The following FMNL3 variants were observed in gnomAD, a reference collection of about 807,000 sequenced individuals.
The protein encoded by FMNL3 is formin-like protein 3.
Under a neutral mutation model 119.6 loss-of-function variants are expected in FMNL3, and 57 were observed. That is an observed-to-expected ratio of 0.48 (90% CI 0.39 to 0.59). FMNL3 has a LOEUF of 0.59. Ranked by LOEUF, FMNL3 falls within the 20% of genes least tolerant of loss-of-function variation. The pLI is 0.00. For missense variants in FMNL3, 1,053 were observed against 1,323.5 expected (o/e 0.80, Z 3.17); for synonymous variants, 491 against 507.3 (o/e 0.97, Z 0.43).
intron 1 of FMNL3, among the ~76,000 whole-genome samples, chr12:49,670,702 T>C (rs183010799): frequency 1.3e-3 from 199 of 152,314 alleles, no homozygotes; most frequent in South Asian, 0.011. Flanking sequence ...GGCTGAGTCC[T>C]CCTCACAGTC....
chr12:49,700,294 A>C (rs954221986), intron 1 of FMNL3, among the ~76,000 whole-genome samples: 2 of 150,494 alleles, frequency 1.3e-5, no homozygotes, highest in Admixed American at 1.3e-4. Flanking sequence ...CGGGAAGCTA[A>C]GGCAGAAGAA....
rs377569512 is a variant in FMNL3, at chr12:49,707,112, G to A, written c.69C>T (p.Pro23=). The change falls in exon 1 of 26, where the codon CCC becomes CCT. Residue 23 remains proline (P), a synonymous_variant. Transcript: ENST00000335154. Reference sequence around the variant, plus strand: ...AGGGCTCAGGCATCGGCATCTTGCCGGGCGGCAGCAACAACGGGACAGAGG... The same window carrying A: ...AGGGCTCAGGCATCGGCATCTTGCCAGGCGGCAGCAACAACGGGACAGAGG... ...EPPSVPLLLP[P]GKMPMPEPCE... 1.1e-4 allele frequency: 181 copies of A among 1,604,238 alleles called. No homozygotes were observed. The highest frequency in any genetic ancestry group is 1.5e-4 in the Non-Finnish European group (175 of 1,176,396).
rs774453528 is a variant in FMNL3 at position 49,652,145 on chromosome 12, G to C, written c.1391C>G (p.Ala464Gly). The change falls in exon 14 of 26, where the codon GCC (alanine) becomes GGC (glycine). Residue 464 changes from alanine to glycine, a missense_variant. This residue lies in a region of FMNL3 where 445 missense variants were observed against 628.4 expected (regional missense o/e 0.71). Transcript: ENST00000335154. The part of the protein sequence containing the change: ...LRRLIKEKEE[A>G]FQRRCHLEPN... Reference sequence around the variant, plus strand: ...CTCCAAATGACATCGACGCTGAAAGGCCTCCTCCTTCTCTTTAATGAGCCT... The same window carrying C: ...CTCCAAATGACATCGACGCTGAAAGCCCTCCTCCTTCTCTTTAATGAGCCT... 1.2e-5 allele frequency: 19 copies of C among 1,613,182 alleles called. No homozygotes were observed. The highest frequency in any genetic ancestry group is 7.7e-5 in the South Asian group (7 of 90,752).
At chr12:49,658,676 C>T in intron 5 of FMNL3, 82 bp from the exon 6 acceptor site, 1 of 1,449,582 alleles carries the variant, frequency 6.9e-7, no homozygotes, top group Non-Finnish European at 9.2e-7. Flanking sequence ...CGTGAGCCCA[C>T]CCCCACCCTT....
chr12:49,661,674 G>C, intron 5 of FMNL3: 1 of 371,642 alleles, frequency 2.7e-6, no homozygotes, highest in Non-Finnish European at 5.0e-6. Flanking sequence ...ATTGCTCACA[G>C]CTTGGCATTT....
At chr12:49,685,317 C>A (rs1169854989) in intron 1 of FMNL3, among the ~76,000 whole-genome samples, 1 of 152,112 alleles carries the variant, frequency 6.6e-6, no homozygotes, top group Non-Finnish European at 1.5e-5. Context: ...ATATCCCTAG[C>A]TGGGCATGGT....
intron 1 of FMNL3, among the ~76,000 whole-genome samples, chr12:49,697,900 T>C (rs961815935): frequency 7.9e-5 from 12 of 152,182 alleles, no homozygotes; most frequent in Admixed American, 7.9e-4. Context: ...ACCTAAGTCT[T>C]CTGATTCCAA....
chr12:49,705,429 C>T (rs944356520), intron 1 of FMNL3, among the ~76,000 whole-genome samples: 4 of 152,128 alleles, frequency 2.6e-5, no homozygotes, highest in Non-Finnish European at 5.9e-5. Flanking sequence ...TGGTTCTGAG[C>T]TCTCACAAAA....
rs770746193 is a variant in FMNL3, at chr12:49,643,273, C to T, written c.*2542G>A. The T allele has an allele frequency of 1.2e-6, 2 of 1,614,082 alleles. No individual in the cohort carries two copies. Among genetic ancestry groups the T allele is most frequent in the East Asian group, 2.2e-5 (1 of 44,880 alleles). ...TGCCCCCACCATCTCTCCGGCCCCC[C>T]AAGCGGAGGAGGCGGAACCCCTCAG... On this transcript the variant is annotated 3_prime_UTR_variant, in exon 26 of 26. Coordinates refer to ENST00000335154, the MANE Select transcript of FMNL3 (RefSeq NM_175736.5).
chr12:49,675,370 TG>T (rs1475781832), intron 1 of FMNL3, among the ~76,000 whole-genome samples: 2 of 152,314 alleles, frequency 1.3e-5, no homozygotes, highest in East Asian at 3.9e-4. Flanking sequence ...AGTATTCTGC[TG>T]GGGGCAGCTT....
intron 1 of FMNL3, among the ~76,000 whole-genome samples, chr12:49,686,225 A>C (rs2138974699): frequency 6.6e-6 from 1 of 151,580 alleles, no homozygotes; most frequent in South Asian, 2.1e-4. Context: ...CTTCTGCCTC[A>C]GCCTCCCAAA....
intron 1 of FMNL3, among the ~76,000 whole-genome samples, chr12:49,678,219 G>A (rs1296126241): frequency 6.6e-6 from 1 of 151,316 alleles, no homozygotes. Flanking sequence ...GTGCAGTGGT[G>A]TGATCTCGGC....
Position 49,642,544 on chromosome 12 carries a change from G to T in FMNL3, c.*3271C>A, listed in dbSNP as rs976620630. 1 of 1,609,528 alleles carries T rather than the reference G, an allele frequency of 6.2e-7. No individual in the cohort carries two copies. The highest frequency in any genetic ancestry group is 8.5e-7 in the Non-Finnish European group (1 of 1,176,036). On this transcript the variant is annotated 3_prime_UTR_variant, in exon 26 of 26. Transcript: ENST00000335154. This position sits in a 1 kb window ranked among gnomAD's most constrained non-coding sequence, Gnocchi z 5.8. ...GCGGTGTCCAGGCCAGGCTGAGTGG[G>T]GCCTAGTCTGATCAGCAGTGCTCTC...
At chr12:49,696,706 C>A (rs1944760349) in intron 1 of FMNL3, among the ~76,000 whole-genome samples, 1 of 152,176 alleles carries the variant, frequency 6.6e-6, no homozygotes, top group Non-Finnish European at 1.5e-5. Context: ...AGAGGTAGAC[C>A]CCATCACAAA....
chr12:49,651,494 C>A, intron 14 of FMNL3, 44 bp from the exon 15 acceptor site: 2 of 1,404,822 alleles, frequency 1.4e-6, no homozygotes, highest in Non-Finnish European at 9.4e-7. Context: ...CGTCAAGAGA[C>A]TCTTCATAGG....
In FMNL3 at chr12:49,662,029, T is replaced by C. The variant is rs1943748618; in HGVS notation, c.389A>G (p.Asn130Ser). The C allele has an allele frequency of 2.5e-6, 4 of 1,613,994 alleles. No homozygotes were observed. Among genetic ancestry groups the C allele is most frequent in the African/African-American group, 1.3e-5 (1 of 74,880 alleles). The change falls in exon 5 of 26, where the codon AAT (asparagine) becomes AGT (serine). Residue 130 changes from asparagine (N) to serine (S), a missense_variant. Transcript: ENST00000335154. The stretch of plus-strand genomic sequence containing the variant: ...TACATCCAGGCCTTTGTTTTCATCA[T>C]TCAGAAATTCCCGCACCCACCTGCA... ...NHIGWVREFL[N>S]DENKGLDVLV... is the part of the protein sequence containing the mutation.
intron 16 of FMNL3, 135 bp from the exon 17 acceptor site, chr12:49,651,013 C>G: frequency 6.9e-7 from 1 of 1,459,696 alleles, no homozygotes. Context: ...AGTGTTGACA[C>G]AACTAGAAAT....
At position 49,642,753 on chromosome 12, in the gene FMNL3, TCCCTCTTA is replaced by T. The variant is rs2138656516; in HGVS notation, c.*3054_*3061del. On this transcript the variant is annotated 3_prime_UTR_variant, in exon 26 of 26. Coordinates refer to ENST00000335154, the MANE Select transcript of FMNL3 (RefSeq NM_175736.5). The surrounding 1 kb of genome is among the most constrained non-coding windows in gnomAD (Gnocchi z 5.8). ...CAGTTCAACAGAGACCTCAGTGGCC[TCCCTCTTA>T]CCCTTAGGGCACTCCTGGCCAGCTA... The T allele has an allele frequency of 1.3e-6, 2 of 1,508,020 alleles. No homozygotes were observed. Among genetic ancestry groups the T allele is most frequent in the South Asian group, 2.4e-5 (2 of 84,102 alleles). The allele number at this position is 1,508,020 out of a possible 1,614,324, so 93.4% of individuals were successfully genotyped here.
chr12:49,654,829 G>T, intron 10 of FMNL3, 81 bp downstream of exon 10: 1 of 1,286,672 alleles, frequency 7.8e-7, no homozygotes, highest in Non-Finnish European at 1.1e-6. Flanking sequence ...ATCAAGATAC[G>T]CTGTTGGCCT....
Sources: gnomAD v4.1 joint callset for allele counts (sites outside exome capture counted in the v4.1 genomes callset) on GRCh38, gnomAD v4.1.1 for gene constraint, gnomAD v4.1.1 regional missense constraint, Gnocchi (gnomAD v3.1) non-coding constraint, MANE v1.5 for transcripts, NCBI Gene and HGNC (gene_info 2026-07-23, HGNC 2026-07-21) for gene names.